The following GSE1 variants were observed in gnomAD, a reference collection of about 807,000 sequenced individuals.
GSE1 encodes Gse1 coiled-coil protein.
A neutral mutation model predicts 112.6 loss-of-function variants in GSE1; 32 were observed. The ratio of observed to expected loss-of-function variants is 0.28; its 90% CI spans 0.21 to 0.38. The LOEUF (loss-of-function observed/expected upper bound fraction) is 0.38, where lower values mean the gene tolerates loss of function less well. Ranked by LOEUF, GSE1 falls within the 10% of genes least tolerant of loss-of-function variation. The pLI, the probability that GSE1 is intolerant of heterozygous loss-of-function variation, is 1.00. For missense variants in GSE1, 2,348 were observed against 1,699.2 expected (o/e 1.38, Z -6.71); for synonymous variants, 1,115 against 735.6 (o/e 1.52, Z -8.35).
At chr16:85,170,126 C>T (rs957590375) in exon 1 of GSE1, 1 of 985,290 alleles carries the variant, frequency 1.0e-6, no homozygotes, top group East Asian at 1.1e-4. Context: ...GACGGGGCCC[C>T]AGGGCCAGGG....
chr16:85,612,643 T>C (rs1598378554), upstream of GSE1, among the ~76,000 whole-genome samples: 2 of 150,914 alleles, frequency 1.3e-5, 1 homozygote, highest in Non-Finnish European at 3.0e-5. Context: ...TTATGGAATT[T>C]TGAGGCCAAG....
chr16:85,612,812 C>T (rs74031890), upstream of GSE1, among the ~76,000 whole-genome samples: 921 of 152,348 alleles, frequency 6.0e-3, 10 homozygotes, highest in African/African-American at 0.021. Flanking sequence ...ACGGAGTTAC[C>T]CGTCCGCCCA....
chr16:85,400,379 CTG>C (rs1247308338), intron 2 of GSE1, among the ~76,000 whole-genome samples: 8 of 149,810 alleles, frequency 5.3e-5, no homozygotes, highest in Non-Finnish European at 4.4e-5. Flanking sequence ...TCGTGTATGT[CTG>C]TATGTGTATC....
chr16:85,471,866 G>A (rs770747678), intron 2 of GSE1, among the ~76,000 whole-genome samples: 5 of 152,172 alleles, frequency 3.3e-5, no homozygotes, highest in African/African-American at 7.2e-5. Flanking sequence ...ACACACTGTC[G>A]TGCCTGGCTA....
intron 2 of GSE1, among the ~76,000 whole-genome samples, chr16:85,385,540 T>C (rs1034386279): frequency 6.6e-6 from 1 of 152,078 alleles, no homozygotes. Context: ...CAAGCGGAGT[T>C]TGTGGCTGAG....
At chr16:85,480,599 G>A (rs545394547) in intron 2 of GSE1, among the ~76,000 whole-genome samples, 1 of 152,162 alleles carries the variant, frequency 6.6e-6, no homozygotes, top group Admixed American at 6.5e-5. Context: ...ATGGCCCATC[G>A]GACCTGTTCC....
chr16:85,404,730 C>CT (rs1340560732), intron 2 of GSE1, among the ~76,000 whole-genome samples: 23 of 43,408 alleles, frequency 5.3e-4, no homozygotes, highest in Non-Finnish European at 5.5e-4. Flanking sequence ...TCAGGCCCCC[C>CT]GGATAATCCT....
At chr16:85,467,836 G>T (rs1292642028) in intron 2 of GSE1, among the ~76,000 whole-genome samples, 1 of 152,224 alleles carries the variant, frequency 6.6e-6, no homozygotes, top group Admixed American at 6.5e-5. Flanking sequence ...TAGGGGTGTT[G>T]GAGTTGACAG....
intron 1 of GSE1, among the ~76,000 whole-genome samples, chr16:85,340,574 G>T (rs988851712): frequency 1.1e-4 from 17 of 152,220 alleles, no homozygotes; most frequent in Admixed American, 3.3e-4. Context: ...CCGGGAGGAA[G>T]AGGTTGCAGT....
chr16:85,420,984 G>A (rs1274318845), intron 2 of GSE1, among the ~76,000 whole-genome samples: 1 of 152,230 alleles, frequency 6.6e-6, no homozygotes, highest in Non-Finnish European at 1.5e-5. Context: ...GCCACCGCCT[G>A]TGCCACGTGA....
At chr16:85,315,667 A>G (rs2045970385) in intron 1 of GSE1, among the ~76,000 whole-genome samples, 1 of 152,146 alleles carries the variant, frequency 6.6e-6, no homozygotes, top group African/African-American at 2.4e-5. Flanking sequence ...AGGAGTACGC[A>G]CCGGTTCCAT....
At position 85,656,416 on chromosome 16, in the gene GSE1, C is replaced by A; in HGVS notation, c.1063C>A (p.Arg355Ser). Residue 355 changes from arginine to serine, a missense_variant, in exon 7 of 16, where the codon CGC becomes AGC. Physicochemically the swap from Arg to Ser is moderately radical, Grantham distance 110 (BLOSUM62 -1). Coordinates refer to ENST00000253458, the MANE Select transcript of GSE1 (RefSeq NM_014615.5). ...GCGCGAGCGTGAGCGTGAGGCTGAC[C>A]GCGAGCGGGAGAAGGAACGTGAGCG... ...REREREREAD[R>S]EREKERERER... is the part of the protein sequence containing the mutation. The A allele has an allele frequency of 6.3e-7, 1 of 1,574,978 alleles. No homozygotes were observed. Among genetic ancestry groups the A allele is most frequent in the East Asian group, 2.3e-5 (1 of 43,840 alleles).
intron 2 of GSE1, among the ~76,000 whole-genome samples, chr16:85,640,649 TGGG>T (rs2050366426): frequency 6.6e-6 from 1 of 152,186 alleles, no homozygotes; most frequent in Non-Finnish European, 1.5e-5. Flanking sequence ...TGAGCTGCCG[TGGG>T]AATGCTTCCA....
At chr16:85,552,959 T>C (rs568430424), upstream of GSE1, among the ~76,000 whole-genome samples, 1 of 152,396 alleles carries the variant, frequency 6.6e-6, no homozygotes, top group African/African-American at 2.4e-5. Flanking sequence ...TATTAATTAC[T>C]ACTGTTGTTC....
intron 1 of GSE1, among the ~76,000 whole-genome samples, chr16:85,356,545 C>T (rs575242267): frequency 3.9e-5 from 6 of 152,326 alleles, no homozygotes; most frequent in East Asian, 3.9e-4. Context: ...CAGCTTGTGG[C>T]GTAGAGCTGG....
intron 1 of GSE1, among the ~76,000 whole-genome samples, chr16:85,187,110 C>G (rs185823529): frequency 1.3e-5 from 2 of 152,212 alleles, no homozygotes; most frequent in Admixed American, 1.3e-4. Context: ...TTGTTTCTGT[C>G]GCCTCCAGGT....
rs1037120102 is a variant in GSE1, at chr16:85,673,800, G to C, written c.*1261G>C. ...CAGTCATGTGCACACATGGGCGGGG[G>C]CTTTTAAAAACCTTTCAGGAAGTCA... On this transcript the variant is annotated 3_prime_UTR_variant, in exon 16 of 16. Transcript: ENST00000253458. 2.0e-5 allele frequency: 3 copies of C among 152,154 alleles called. No individual in the cohort carries two copies. Among genetic ancestry groups the C allele is most frequent in the Non-Finnish European group, 4.4e-5 (3 of 68,034 alleles). 9.4% of individuals were successfully genotyped at this position (152,154 alleles called of 1,614,324 possible).
chr16:85,385,767 A>G (rs1244317682), intron 2 of GSE1, among the ~76,000 whole-genome samples: 5 of 152,194 alleles, frequency 3.3e-5, no homozygotes, highest in Non-Finnish European at 5.9e-5. Flanking sequence ...TAATGGGGTC[A>G]TAGATCACTC....
chr16:85,578,741 T>C (rs1451857944), intron 1 of GSE1, among the ~76,000 whole-genome samples: 7 of 151,730 alleles, frequency 4.6e-5, no homozygotes, highest in Admixed American at 4.6e-4. Context: ...TCACCACACA[T>C]GGCCCCACCT....
Sources: gnomAD v4.1 joint callset for allele counts (sites outside exome capture counted in the v4.1 genomes callset) on GRCh38, gnomAD v4.1.1 for gene constraint, MANE v1.5 for transcripts, NCBI Gene and HGNC (gene_info 2026-07-23, HGNC 2026-07-21) for gene names.